Variants in ST18 observed in about 807,000 individuals in gnomAD.
ST18 encodes the protein suppression of tumorigenicity 18 protein.
Under a neutral mutation model 110.0 loss-of-function variants are expected in ST18, and 50 were observed. That is an observed-to-expected ratio of 0.45 (90% CI 0.36 to 0.58). ST18 has a LOEUF of 0.58. Among genes scored for constraint, ST18 ranks in the 20% least tolerant of loss-of-function variants. The pLI, the probability that ST18 is intolerant of heterozygous loss-of-function variation, is 0.00. For synonymous variants in ST18, 461 were observed against 452.4 expected (o/e 1.02, Z -0.24); for missense variants, 1,306 against 1,280.1 (o/e 1.02, Z -0.31).
intron 2 of ST18, among the ~76,000 whole-genome samples, chr8:52,399,645 T>C (rs754195422): frequency 2.0e-5 from 3 of 152,068 alleles, no homozygotes; most frequent in Admixed American, 6.6e-5. Context: ...ATTGTCATTT[T>C]TCTCCAGATA....
intron 1 of ST18, 30 bp downstream of exon 1, chr8:52,409,518 T>C (rs1336745271): frequency 2.3e-5 from 3 of 128,362 alleles, no homozygotes; most frequent in Non-Finnish European, 5.2e-5. Flanking sequence ...CAATCAAAGC[T>C]ACACAAATGC....
chr8:52,376,659 G>A (rs1411223060), intron 2 of ST18, among the ~76,000 whole-genome samples: 1 of 151,778 alleles, frequency 6.6e-6, no homozygotes, highest in African/African-American at 2.4e-5. Context: ...TGTGGGAAGC[G>A]TCTTTGTCTC....
intron 2 of ST18, among the ~76,000 whole-genome samples, chr8:52,395,979 G>C (rs1485353544): frequency 1.3e-5 from 2 of 151,878 alleles, no homozygotes; most frequent in Admixed American, 6.6e-5. Context: ...AGAAAAAATA[G>C]GCACAAAAAT....
chr8:52,314,043 C>T (rs893853785), intron 2 of ST18, among the ~76,000 whole-genome samples: 5 of 152,222 alleles, frequency 3.3e-5, no homozygotes, highest in African/African-American at 9.6e-5. Flanking sequence ...CAAGGCCAGA[C>T]TCTTCCCTGG....
intron 6 of ST18, among the ~76,000 whole-genome samples, chr8:52,214,683 TG>T (rs2083466018): frequency 6.6e-6 from 1 of 152,140 alleles, no homozygotes; most frequent in African/African-American, 2.4e-5. Flanking sequence ...TTTCTAAGCT[TG>T]GAAAAAAATG....
At chr8:52,126,679 TA>T (rs199678935) in intron 22 of ST18, among the ~76,000 whole-genome samples, 3 of 152,386 alleles carry the variant, frequency 2.0e-5, no homozygotes, top group Admixed American at 6.5e-5. Context: ...GGAATGTTTT[TA>T]ATTTTTTTCT....
chr8:52,120,311 T>C (rs1423015480), intron 23 of ST18, among the ~76,000 whole-genome samples: 1 of 152,250 alleles, frequency 6.6e-6, no homozygotes, highest in Non-Finnish European at 1.5e-5. Flanking sequence ...TTCTTTGACA[T>C]ATTGTTTTTC....
chr8:52,203,603 A>T (rs1238455375), intron 8 of ST18, among the ~76,000 whole-genome samples: 1 of 152,234 alleles, frequency 6.6e-6, no homozygotes, highest in African/African-American at 2.4e-5. Context: ...GTTTGCAAGC[A>T]TATAATATAA....
intron 2 of ST18, among the ~76,000 whole-genome samples, chr8:52,254,893 CT>C (rs1352881253): frequency 2.0e-5 from 3 of 152,142 alleles, no homozygotes; most frequent in Non-Finnish European, 2.9e-5. Context: ...TAATTCCTCC[CT>C]GTAGGCCTTG....
Position 52,180,233 on chromosome 8 carries a change from A to G in ST18, c.166T>C (p.Ser56Pro), listed in dbSNP as rs1427020773. Residue 56 changes from serine (S) to proline (P), a missense_variant, in exon 9 of 26, where the codon TCC (serine) becomes CCC (proline). Coordinates refer to ENST00000689386, the MANE Select transcript of ST18 (RefSeq NM_001352837.2). ...ALGVPVNKRKSLLMKPRHYSP... is the reference protein window; with the variant it reads ...ALGVPVNKRKPLLMKPRHYSP... The stretch of plus-strand genomic sequence containing the variant: ...TAGTGTCGGGGCTTCATTAGCAGGG[A>G]TTTCCTTTTGTTGACTGGAACCCCC... 1 of 1,613,996 alleles carries G rather than the reference A, an allele frequency of 6.2e-7. No individual in the cohort carries two copies. Among genetic ancestry groups the G allele is most frequent in the Non-Finnish European group, 8.5e-7 (1 of 1,179,986 alleles).
intron 2 of ST18, among the ~76,000 whole-genome samples, chr8:52,401,706 T>C (rs1842850982): frequency 6.6e-6 from 1 of 152,160 alleles, no homozygotes; most frequent in South Asian, 2.1e-4. Context: ...AGATCATGAA[T>C]TGTTTTCCTA....
chr8:52,318,207 AAAAC>A (rs1175480891), intron 2 of ST18, among the ~76,000 whole-genome samples: 4 of 152,196 alleles, frequency 2.6e-5, no homozygotes, highest in Non-Finnish European at 4.4e-5. Flanking sequence ...TTACAAGAAA[AAAAC>A]AAACAACCCC....
chr8:52,114,645 C>T (rs2041880626), intron 25 of ST18, among the ~76,000 whole-genome samples: 1 of 152,090 alleles, frequency 6.6e-6, no homozygotes, highest in African/African-American at 2.4e-5. Flanking sequence ...CTTTGTTGTG[C>T]CTTGTGTTTC....
intron 22 of ST18, among the ~76,000 whole-genome samples, chr8:52,127,589 C>G (rs2047561589): frequency 6.6e-6 from 1 of 152,152 alleles, no homozygotes; most frequent in African/African-American, 2.4e-5. Flanking sequence ...CTTCTCTCAT[C>G]CTCACCCTTA....
intron 2 of ST18, among the ~76,000 whole-genome samples, chr8:52,276,998 C>G (rs1453969499): frequency 6.6e-6 from 1 of 152,112 alleles, no homozygotes; most frequent in South Asian, 2.1e-4. Flanking sequence ...AACTCCTGAC[C>G]TCAGGTGATT....
chr8:52,400,165 C>T (rs1842438096), intron 2 of ST18, among the ~76,000 whole-genome samples: 1 of 151,980 alleles, frequency 6.6e-6, no homozygotes, highest in Non-Finnish European at 1.5e-5. Context: ...ACATAATGAC[C>T]TTCTTTGCTC....
intron 2 of ST18, chr8:52,313,284 G>A (rs2095956804): frequency 6.6e-6 from 1 of 152,356 alleles, no homozygotes; most frequent in East Asian, 1.9e-4. Context: ...CTGCTAGCAT[G>A]TTTTTTTCCT....
At chr8:52,240,050 TC>T (rs1271892356) in intron 2 of ST18, among the ~76,000 whole-genome samples, 1 of 152,154 alleles carries the variant, frequency 6.6e-6, no homozygotes, top group Non-Finnish European at 1.5e-5. Context: ...CACCTCGGCC[TC>T]CCAAAGTGCT....
chr8:52,284,611 G>T (rs1207113749), intron 2 of ST18, among the ~76,000 whole-genome samples: 4 of 152,162 alleles, frequency 2.6e-5, no homozygotes, highest in Non-Finnish European at 5.9e-5. Flanking sequence ...TCAAGGGGAG[G>T]CAGTGTCCTC....
Sources: allele counts gnomAD v4.1 joint callset (sites outside exome capture counted in the v4.1 genomes callset), GRCh38; gene constraint gnomAD v4.1.1; transcripts MANE v1.5; gene names NCBI Gene and HGNC (gene_info 2026-07-23, HGNC 2026-07-21).